Variants in PBX1 observed in about 807,000 individuals in gnomAD.
PBX1 encodes the protein pre-B-cell leukemia transcription factor 1.
A neutral mutation model predicts 53.4 loss-of-function variants in PBX1; 6 were observed. The ratio of observed to expected loss-of-function variants is 0.11; its 90% CI spans 0.06 to 0.22. PBX1 has a LOEUF of 0.22. Ranked by LOEUF, PBX1 falls within the 10% of genes least tolerant of loss-of-function variation. The pLI is 1.00. For missense variants in PBX1, 251 were observed against 551.4 expected, an observed-to-expected ratio of 0.46 and a Z score of 5.46; for synonymous variants, 204 against 212.3, an observed-to-expected ratio of 0.96 and a Z score of 0.34.
intron 2 of PBX1, chr1:164,774,374 A>G (rs1179708784): frequency 6.6e-6 from 1 of 152,192 alleles, no homozygotes; most frequent in Admixed American, 6.5e-5. Context: ...GGAAACCCCC[A>G]TCTGGTTGGT....
chr1:164,784,558 A>G (rs1668084698), intron 2 of PBX1, among the ~76,000 whole-genome samples: 1 of 152,232 alleles, frequency 6.6e-6, no homozygotes, highest in African/African-American at 2.4e-5. Context: ...CAAAACATAA[A>G]CAAACAAACA....
At chr1:164,620,312 A>C (rs1371315417) in intron 2 of PBX1, among the ~76,000 whole-genome samples, 1 of 152,222 alleles carries the variant, frequency 6.6e-6, no homozygotes, top group Non-Finnish European at 1.5e-5. Flanking sequence ...ATTCAAGCAG[A>C]TTTCATAAGG....
At chr1:164,814,205 T>C (rs1669760836) in intron 6 of PBX1, 1 of 152,226 alleles carries the variant, frequency 6.6e-6, no homozygotes, top group Non-Finnish European at 1.5e-5. Context: ...AGTAGAACTT[T>C]AAAATGTTCA....
intron 2 of PBX1, chr1:164,769,182 A>G (rs537619599): frequency 1.3e-5 from 2 of 152,296 alleles, no homozygotes; most frequent in African/African-American, 4.8e-5. Flanking sequence ...AAATACATCG[A>G]ATTTGGTGGC....
chr1:164,692,157 T>C (rs1423012748), intron 2 of PBX1, among the ~76,000 whole-genome samples: 3 of 152,200 alleles, frequency 2.0e-5, no homozygotes. Flanking sequence ...CATTATATGC[T>C]GTGGGAAATA....
intron 2 of PBX1, among the ~76,000 whole-genome samples, chr1:164,646,493 C>T (rs1366498367): frequency 6.6e-6 from 1 of 152,078 alleles, no homozygotes; most frequent in Non-Finnish European, 1.5e-5. Context: ...ACCTGGCTGC[C>T]AAAGACCTGT....
At chr1:164,570,947 C>G (rs1293433082) in intron 2 of PBX1, among the ~76,000 whole-genome samples, 7 of 152,202 alleles carry the variant, frequency 4.6e-5, no homozygotes, top group Non-Finnish European at 7.3e-5. Flanking sequence ...TTGCATTTCT[C>G]TAATGACCAG....
At chr1:164,754,783 G>A (rs1490158572) in intron 2 of PBX1, among the ~76,000 whole-genome samples, 2 of 152,126 alleles carry the variant, frequency 1.3e-5, no homozygotes, top group Admixed American at 1.3e-4. Context: ...GTATGTTGTA[G>A]GTGGTACTCC....
chr1:164,749,259 CA>C (rs1666066986), intron 2 of PBX1, among the ~76,000 whole-genome samples: 1 of 152,048 alleles, frequency 6.6e-6, no homozygotes, highest in South Asian at 2.1e-4. Flanking sequence ...GGAACATAAA[CA>C]ATATATATCT....
intron 2 of PBX1, among the ~76,000 whole-genome samples, chr1:164,734,861 TA>T (rs1487459794): frequency 6.6e-6 from 1 of 152,198 alleles, no homozygotes; most frequent in Non-Finnish European, 1.5e-5. Flanking sequence ...ACTTTAGGAA[TA>T]TCTCTGAAGT....
At chr1:164,615,165 G>A (rs567619501) in intron 2 of PBX1, among the ~76,000 whole-genome samples, 1 of 152,276 alleles carries the variant, frequency 6.6e-6, no homozygotes, top group African/African-American at 2.4e-5. Context: ...GGGAGTCAAA[G>A]GAAGTTTATG....
At chr1:164,700,183 C>T (rs1334933962) in intron 2 of PBX1, among the ~76,000 whole-genome samples, 2 of 152,102 alleles carry the variant, frequency 1.3e-5, no homozygotes, top group Admixed American at 1.3e-4. Flanking sequence ...TCTGTGGGAG[C>T]ATGTGTGTGG....
chr1:164,654,890 G>T, intron 2 of PBX1, among the ~76,000 whole-genome samples: 1 of 152,208 alleles, frequency 6.6e-6, no homozygotes, highest in East Asian at 1.9e-4. Flanking sequence ...AGGAGCTTGT[G>T]ATTGGGGAGT....
intron 2 of PBX1, among the ~76,000 whole-genome samples, chr1:164,606,252 G>A (rs1164820547): frequency 6.6e-6 from 1 of 152,234 alleles, no homozygotes; most frequent in African/African-American, 2.4e-5. Flanking sequence ...TGCTTTGGGA[G>A]GCCAAGGCGG....
In PBX1 at chr1:164,559,472, A is replaced by G. The variant is rs1652853403; in HGVS notation, c.-351A>G. The G allele has an allele frequency of 1.5e-5, 4 of 274,544 alleles. No individual in the cohort carries two copies. In the East Asian group the frequency reaches 1.7e-4, roughly 12 times the overall value. 17.0% of individuals were successfully genotyped at this position (274,544 alleles called of 1,614,324 possible). ...CCGGGAGCCCATTTCTGCCTTGCAA[A>G]GGAGACCGGACTGAAAAACCTAAAG... On this transcript the variant is annotated 5_prime_UTR_variant, in exon 1 of 9. Coordinates refer to ENST00000420696, the MANE Select transcript of PBX1 (RefSeq NM_002585.4).
At chr1:164,654,965 G>A (rs1158450728) in intron 2 of PBX1, among the ~76,000 whole-genome samples, 1 of 152,192 alleles carries the variant, frequency 6.6e-6, no homozygotes, top group East Asian at 1.9e-4. Flanking sequence ...TGGAAGATGG[G>A]CTCCTAGCGT....
At chr1:164,758,561 G>A (rs60247437) in intron 2 of PBX1, among the ~76,000 whole-genome samples, 2,827 of 152,234 alleles carry the variant, frequency 0.019, 92 homozygotes, top group African/African-American at 0.065. Context: ...GGTGGAAGCT[G>A]CCTGCCCTCA....
chr1:164,679,093 G>A (rs1456135956), intron 2 of PBX1, among the ~76,000 whole-genome samples: 3 of 152,020 alleles, frequency 2.0e-5, no homozygotes, highest in Non-Finnish European at 4.4e-5. Context: ...ACCATCCATC[G>A]GTTTTCTTCC....
intron 6 of PBX1, chr1:164,812,739 T>C (rs1158320344): frequency 6.6e-6 from 1 of 152,232 alleles, no homozygotes; most frequent in Non-Finnish European, 1.5e-5. Flanking sequence ...ATGAGCTATG[T>C]AATAGGCTTT....
Sources: allele counts gnomAD v4.1 joint callset (sites outside exome capture counted in the v4.1 genomes callset), GRCh38; gene constraint gnomAD v4.1.1; transcripts MANE v1.5; gene names NCBI Gene and HGNC (gene_info 2026-07-23, HGNC 2026-07-21).